Variants in POTEJ observed in about 807,000 individuals in gnomAD.
POTEJ encodes the protein POTE ankyrin domain family, member J.
A neutral mutation model predicts 69.0 loss-of-function variants in POTEJ; 11 were observed. The observed-to-expected ratio is 0.16, with a 90% CI of 0.10 to 0.26. POTEJ has a LOEUF of 0.26. POTEJ is among the 10% of genes least tolerant of loss of function. The probability of loss-of-function intolerance (pLI) is 1.00; values close to 1 mark genes in which losing one functional copy is unlikely to be tolerated. For synonymous variants in POTEJ, 117 were observed against 381.1 expected (o/e 0.31, Z 8.07); for missense variants, 327 against 1,045.5 (o/e 0.31, Z 9.48).
At chr2:130,650,385 ATCTG>A (rs1686766321) in intron 13 of POTEJ, among the ~76,000 whole-genome samples, 1 of 152,218 alleles carries the variant, frequency 6.6e-6, no homozygotes, top group Admixed American at 6.5e-5. Flanking sequence ...ATTTTGCCGT[ATCTG>A]TCTGTTGTTA....
At chr2:130,627,599 C>A (rs1375673675) in intron 6 of POTEJ, among the ~76,000 whole-genome samples, 2 of 130,120 alleles carry the variant, frequency 1.5e-5, no homozygotes, top group Non-Finnish European at 3.3e-5. Context: ...TTTTTCCCCG[C>A]TTGCAGCCTG....
At chr2:130,612,542 C>T (rs1267058635) in intron 1 of POTEJ, among the ~76,000 whole-genome samples, 5 of 152,400 alleles carry the variant, frequency 3.3e-5, no homozygotes, top group South Asian at 2.1e-4. Flanking sequence ...GGGCGGATCA[C>T]GAGGTCAGGA....
chr2:130,629,074 C>T (rs1482022243), intron 6 of POTEJ, among the ~76,000 whole-genome samples: 1 of 151,672 alleles, frequency 6.6e-6, no homozygotes, highest in African/African-American at 2.4e-5. Flanking sequence ...TGGAGGGAAA[C>T]ATTTTAGATA....
chr2:130,630,823 C>A (rs1315371282), intron 7 of POTEJ, among the ~76,000 whole-genome samples: 1 of 145,054 alleles, frequency 6.9e-6, no homozygotes, highest in Non-Finnish European at 1.5e-5. Context: ...AGCAGATAAT[C>A]TGGATACATA....
At chr2:130,640,488 T>C (rs1296562140) in intron 10 of POTEJ, among the ~76,000 whole-genome samples, 2 of 150,352 alleles carry the variant, frequency 1.3e-5, no homozygotes, top group African/African-American at 2.5e-5. Flanking sequence ...CCAGAGTTGT[T>C]TTTTTATTCA....
chr2:130,625,251 CAAAGA>C (rs1222335644), intron 6 of POTEJ, among the ~76,000 whole-genome samples: 1 of 152,134 alleles, frequency 6.6e-6, no homozygotes. Flanking sequence ...ACAGAATTTA[CAAAGA>C]AAACATTGCT....
chr2:130,637,012 G>T (rs1573984937), intron 9 of POTEJ, among the ~76,000 whole-genome samples: 1 of 146,858 alleles, frequency 6.8e-6, no homozygotes, highest in East Asian at 2.0e-4. Flanking sequence ...CCGGGAGGCG[G>T]AGCTTGCAGT....
At chr2:130,623,088 T>A (rs1407923481) in intron 5 of POTEJ, 1 of 140,496 alleles carries the variant, frequency 7.1e-6, no homozygotes, top group Non-Finnish European at 1.5e-5. Context: ...ATGAGATGAC[T>A]TAGACCTGAA....
chr2:130,641,375 G>T (rs1686366813), intron 10 of POTEJ, among the ~76,000 whole-genome samples: 1 of 149,274 alleles, frequency 6.7e-6, no homozygotes, highest in African/African-American at 2.5e-5. Flanking sequence ...TTACTATGTT[G>T]GCCTTCGTTA....
intron 1 of POTEJ, among the ~76,000 whole-genome samples, chr2:130,613,227 T>C (rs533040145): frequency 7.9e-6 from 1 of 126,130 alleles, no homozygotes; most frequent in Non-Finnish European, 1.8e-5. Flanking sequence ...TATACGCAGA[T>C]ATATATACAT....
chr2:130,642,886 G>A (rs1686444402), intron 10 of POTEJ, among the ~76,000 whole-genome samples: 1 of 150,462 alleles, frequency 6.6e-6, no homozygotes. Context: ...CTTTTAATCT[G>A]GCTAGTCTCA....
chr2:130,613,280 G>GTATATATACA (rs1558915489), intron 1 of POTEJ, among the ~76,000 whole-genome samples: 1 of 47,222 alleles, frequency 2.1e-5, no homozygotes, highest in African/African-American at 2.1e-4. Flanking sequence ...ATATACATAT[G>GTATATATACA]TATATATACA....
intron 9 of POTEJ, among the ~76,000 whole-genome samples, chr2:130,636,885 G>A (rs1413071139): frequency 6.8e-6 from 1 of 147,134 alleles, no homozygotes; most frequent in East Asian, 1.9e-4. Context: ...GAGGTCAGGA[G>A]ATCGAGACCA....
intron 1 of POTEJ, among the ~76,000 whole-genome samples, chr2:130,613,156 A>G (rs1403092379): frequency 6.8e-6 from 1 of 146,174 alleles, no homozygotes; most frequent in African/African-American, 2.5e-5. Flanking sequence ...AAGAGTATAG[A>G]TTAAAAATTT....
chr2:130,650,017 A>T (rs1451309365), intron 13 of POTEJ, among the ~76,000 whole-genome samples: 2 of 152,260 alleles, frequency 1.3e-5, no homozygotes, highest in Non-Finnish European at 2.9e-5. Flanking sequence ...GAAAAAAAAG[A>T]GAGATAATGA....
rs1265792619 is a variant in POTEJ at position 130,644,468 on chromosome 2, G to GA, written c.1440+422dup. ...TGGGTGACAGAGCGAGACTCCATCTGAAAAAAATATATATATATATTTTAA... is the reference window on the plus strand; with the variant it reads ...TGGGTGACAGAGCGAGACTCCATCTGAAAAAAAATATATATATATATTTTAA... On this transcript the variant is annotated intron_variant, in intron 11 of 14. Coordinates refer to ENST00000409602, the MANE Select transcript of POTEJ (RefSeq NM_001277083.2). 3.9e-5 allele frequency among the ~76,000 whole-genome samples: 6 copies of GA among 152,110 alleles called. No individual in the cohort carries two copies. The East Asian group carries it at 9.6e-4, about 24-fold the overall frequency.
chr2:130,650,273 CA>C (rs1310170204), intron 13 of POTEJ, among the ~76,000 whole-genome samples: 1 of 152,282 alleles, frequency 6.6e-6, no homozygotes, highest in Non-Finnish European at 1.5e-5. Context: ...TCTTTCTCAG[CA>C]GGGACTTTTC....
At chr2:130,640,542 T>A (rs1353424019) in intron 10 of POTEJ, among the ~76,000 whole-genome samples, 104 of 151,868 alleles carry the variant, frequency 6.8e-4, no homozygotes, top group Middle Eastern at 3.4e-3. Context: ...AGCTGTGCTG[T>A]TGACAGTGTT....
At chr2:130,618,830 G>T (rs1685456302) in intron 3 of POTEJ, among the ~76,000 whole-genome samples, 1 of 110,832 alleles carries the variant, frequency 9.0e-6, no homozygotes, top group Non-Finnish European at 1.7e-5. Flanking sequence ...TTCCCAGGCT[G>T]GAATGCAGTG....
Sources: allele counts gnomAD v4.1 joint callset (sites outside exome capture counted in the v4.1 genomes callset), GRCh38; gene constraint gnomAD v4.1.1; transcripts MANE v1.5; gene names NCBI Gene and HGNC (gene_info 2026-07-23, HGNC 2026-07-21).